DIAPH2: variants seen among roughly 807,000 people sequenced by gnomAD.
The protein encoded by DIAPH2 is protein diaphanous homolog 2.
A neutral mutation model predicts 92.7 loss-of-function variants in DIAPH2; 35 were observed. The observed-to-expected ratio is 0.38, with a 90% CI of 0.29 to 0.50. DIAPH2 has a LOEUF of 0.50. Among genes scored for constraint, DIAPH2 ranks in the 20% least tolerant of loss-of-function variants. DIAPH2 has a pLI of 0.94. For synonymous variants in DIAPH2, 301 were observed against 280.4 expected (o/e 1.07, Z -0.73); for missense variants, 701 against 819.5 (o/e 0.86, Z 1.77).
At chrX:97,589,035 C>G (rs1294211336) in intron 26 of DIAPH2, among the ~76,000 whole-genome samples, 3 of 14,190 alleles carry the variant, frequency 2.1e-4, no homozygotes, top group African/African-American at 3.5e-4. Flanking sequence ...ATAAAAGAAT[C>G]AGATGGTTGC....
At chrX:97,419,590 G>T (rs1602577985) in intron 25 of DIAPH2, among the ~76,000 whole-genome samples, 3 of 111,397 alleles carry the variant, frequency 2.7e-5, no homozygotes, top group East Asian at 2.8e-4. Context: ...GGCGTCTCGG[G>T]GTCCTAAAGC....
intron 15 of DIAPH2, among the ~76,000 whole-genome samples, chrX:96,952,736 AAAAATAAAATAAAAT>A (rs748929800): frequency 0.031 from 3,405 of 110,532 alleles, 161 homozygotes; most frequent in African/African-American, 0.11. Flanking sequence ...ACTCTGTCTC[AAAAATAAAATAAAAT>A]AAAATAAAAT....
At chrX:97,080,415 T>G (rs1421992482) in intron 19 of DIAPH2, among the ~76,000 whole-genome samples, 2 of 109,974 alleles carry the variant, frequency 1.8e-5, no homozygotes, top group African/African-American at 6.6e-5. Context: ...CCATAGATGT[T>G]TCTCTACGAT....
chrX:97,265,028 T>C (rs987226431), intron 23 of DIAPH2, among the ~76,000 whole-genome samples: 1 of 111,875 alleles, frequency 8.9e-6, no homozygotes, highest in African/African-American at 3.2e-5. Flanking sequence ...GTTGTCAGTG[T>C]ATGTTAACCC....
intron 26 of DIAPH2, among the ~76,000 whole-genome samples, chrX:97,465,792 G>T (rs1157448863): frequency 9.0e-6 from 1 of 111,619 alleles, no homozygotes; most frequent in African/African-American, 3.3e-5. Context: ...GGGTTCAAAC[G>T]ATTTTCCTGC....
At chrX:96,953,643 G>T (rs1303609745) in intron 15 of DIAPH2, 1 of 111,933 alleles carries the variant, frequency 8.9e-6, no homozygotes, top group Non-Finnish European at 1.9e-5. Flanking sequence ...TTTACTGGGA[G>T]TTGCTTTTGG....
intron 4 of DIAPH2, among the ~76,000 whole-genome samples, chrX:96,773,148 C>T (rs2064349938): frequency 9.0e-6 from 1 of 110,690 alleles, no homozygotes; most frequent in African/African-American, 3.3e-5. Flanking sequence ...AGAACTGAGG[C>T]TCTTCCCCAA....
At chrX:96,805,921 G>A (rs1400704443) in intron 4 of DIAPH2, among the ~76,000 whole-genome samples, 5 of 112,190 alleles carry the variant, frequency 4.5e-5, no homozygotes, top group Non-Finnish European at 9.4e-5. Flanking sequence ...TTAGATAAAG[G>A]GGAAGGCAGA....
intron 23 of DIAPH2, among the ~76,000 whole-genome samples, chrX:97,251,449 T>C (rs76654163): frequency 9.2e-6 from 1 of 108,258 alleles, no homozygotes; most frequent in Non-Finnish European, 1.9e-5. Context: ...TTTTTTTTTT[T>C]GGAGACGGAG....
chrX:97,555,067 G>C (rs1232552716), intron 26 of DIAPH2, among the ~76,000 whole-genome samples: 1 of 14,619 alleles, frequency 6.8e-5, no homozygotes, highest in African/African-American at 1.0e-4. Context: ...TTCCTGAAGA[G>C]ATTAAAAAAA....
intron 26 of DIAPH2, among the ~76,000 whole-genome samples, chrX:97,452,183 T>C (rs757535911): frequency 2.2e-4 from 24 of 111,445 alleles, no homozygotes; most frequent in Non-Finnish European, 3.6e-4. Flanking sequence ...TATAGTCAAA[T>C]ATGTGTCTAA....
intron 17 of DIAPH2, among the ~76,000 whole-genome samples, chrX:97,015,160 T>A (rs1281687760): frequency 3.6e-5 from 4 of 111,777 alleles, no homozygotes; most frequent in African/African-American, 1.3e-4. Flanking sequence ...AATCTAAAAA[T>A]TATATAAATA....
intron 4 of DIAPH2, among the ~76,000 whole-genome samples, chrX:96,775,703 C>T (rs2064373168): frequency 9.1e-6 from 1 of 110,407 alleles, no homozygotes. Flanking sequence ...GCTTTGAAGA[C>T]CTGGGGGTTT....
At chrX:97,307,371 C>T (rs1234990847) in intron 23 of DIAPH2, among the ~76,000 whole-genome samples, 13 of 111,239 alleles carry the variant, frequency 1.2e-4, no homozygotes, top group Non-Finnish European at 1.9e-5. Flanking sequence ...CACTCCTGCA[C>T]TTCATCTGAA....
chrX:96,915,028 T>C (rs5921877), intron 7 of DIAPH2, among the ~76,000 whole-genome samples: 4,296 of 111,256 alleles, frequency 0.039, 103 homozygotes, highest in Middle Eastern at 0.083. Context: ...AACTCCTTTC[T>C]TTTATCCAAT....
chrX:97,007,854 C>T (rs2066194793), intron 17 of DIAPH2, among the ~76,000 whole-genome samples: 1 of 102,277 alleles, frequency 9.8e-6, no homozygotes, highest in African/African-American at 3.6e-5. Context: ...GCTCCGCCTC[C>T]CAGGTTCACG....
At chrX:97,586,630 T>C (rs1602685117) in intron 26 of DIAPH2, among the ~76,000 whole-genome samples, 2 of 111,999 alleles carry the variant, frequency 1.8e-5, no homozygotes, top group Non-Finnish European at 3.8e-5. Context: ...TCTCTTCCTT[T>C]CCTCACAGCA....
intron 17 of DIAPH2, among the ~76,000 whole-genome samples, chrX:97,038,769 C>T (rs772932786): frequency 9.1e-6 from 1 of 110,417 alleles, no homozygotes; most frequent in African/African-American, 3.3e-5. Flanking sequence ...TTAAAAAATG[C>T]CTGTTCATGT....
At chrX:97,045,574 A>T (rs1225902089) in intron 17 of DIAPH2, among the ~76,000 whole-genome samples, 1 of 111,651 alleles carries the variant, frequency 9.0e-6, no homozygotes, top group African/African-American at 3.3e-5. Flanking sequence ...AGGAAGATCC[A>T]GCAAAGCAAA....
Sources: allele counts gnomAD v4.1 joint callset (sites outside exome capture counted in the v4.1 genomes callset), GRCh38; gene constraint gnomAD v4.1.1; transcripts MANE v1.5; gene names NCBI Gene and HGNC (gene_info 2026-07-23, HGNC 2026-07-21).